Variants in EXOC3 observed in about 807,000 individuals in gnomAD.
EXOC3 encodes exocyst complex component 3.
In EXOC3, 21 loss-of-function variants were observed where a neutral mutation model predicts 73.7. The ratio of observed to expected loss-of-function variants is 0.29; its 90% confidence interval spans 0.20 to 0.41. The LOEUF (loss-of-function observed/expected upper bound fraction) is 0.41. EXOC3 is among the 10% of genes least tolerant of loss of function. The pLI, the probability that EXOC3 is intolerant of heterozygous loss-of-function variation, is 1.00. For missense variants in EXOC3, 842 were observed against 985.1 expected, an observed-to-expected ratio of 0.85 and a Z score of 1.95; for synonymous variants, 410 against 389.1, an observed-to-expected ratio of 1.05 and a Z score of -0.63.
At chr5:460,469 C>T (rs74806885) in intron 7 of EXOC3, among the ~76,000 whole-genome samples, 138 of 152,318 alleles carry the variant, frequency 9.1e-4, no homozygotes, top group African/African-American at 3.1e-3. Context: ...ACTACAGCCA[C>T]GCCGCCCACT....
chr5:450,638 C>T lies in EXOC3; in HGVS notation c.365-2732C>T, dbSNP rs142547556. Among the ~76,000 whole-genome samples the T allele has an allele frequency of 4.5e-3, 691 of 152,236 alleles. 3 individuals carry two copies. Among genetic ancestry groups the T allele is most frequent in the Admixed American group, 6.9e-3 (105 of 15,292 alleles). On this transcript the variant is annotated intron_variant, in intron 3 of 12. Coordinates refer to ENST00000512944, the MANE Select transcript of EXOC3 (RefSeq NM_007277.5). ...ATTGAGAGAGAGATATTGAAGCCTC[C>T]GACTATTACAGAACTGAATGTTTTT...
intron 2 of EXOC3, among the ~76,000 whole-genome samples, 185 bp downstream of exon 2, chr5:446,534 A>G (rs1433888163): frequency 6.6e-6 from 1 of 152,230 alleles, no homozygotes; most frequent in Non-Finnish European, 1.5e-5. Flanking sequence ...GACAGTGGGA[A>G]TGGTGAAAAC....
intron 9 of EXOC3, 91 bp from the exon 10 acceptor site, chr5:464,199 G>A (rs543855906): frequency 3.9e-6 from 5 of 1,291,938 alleles, no homozygotes; most frequent in Admixed American, 3.9e-5. Context: ...CTCGTGGGGC[G>A]TTGAGGTGAG....
At chr5:462,444 A>G (rs1738017404) in intron 9 of EXOC3, 137 bp downstream of exon 9, 1 of 926,854 alleles carries the variant, frequency 1.1e-6, no homozygotes, top group African/African-American at 1.7e-5. Context: ...CATTCCGGTC[A>G]GATCGCTTAA....
chr5:462,551 C>A (rs2126586473), intron 9 of EXOC3: 1 of 515,756 alleles, frequency 1.9e-6, no homozygotes, highest in Non-Finnish European at 3.5e-6. Flanking sequence ...AGACATCAGA[C>A]AATTTAGTGG....
At chr5:464,985 C>T (rs1165099075) in intron 10 of EXOC3, 126 bp from the exon 11 acceptor site, 51 of 975,866 alleles carry the variant, frequency 5.2e-5, no homozygotes, top group Non-Finnish European at 7.0e-5. Context: ...AGAGCCGTGG[C>T]GGAGCGAGGA....
At position 457,980 on chromosome 5, in the gene EXOC3, C is replaced by T; in HGVS notation, c.1245C>T (p.Asp415=). Residue 415 remains aspartate (D), a synonymous_variant, in exon 6 of 13, where the codon GAC becomes GAT. Coordinates refer to ENST00000512944, the MANE Select transcript of EXOC3 (RefSeq NM_007277.5). ...DWVKETEPEA[D]QDGYYQTTLP... ...TCAAAGAGACAGAGCCAGAAGCCGA[C>T]CAGGACGGGTACTACCAGACCACAC... is the stretch of plus-strand genomic sequence containing the variant. 3.7e-6 allele frequency: 6 copies of T among 1,612,698 alleles called. No individual in the cohort carries two copies. Among genetic ancestry groups the T allele is most frequent in the Non-Finnish European group, 5.1e-6 (6 of 1,179,302 alleles).
chr5:462,683 T>G (rs1738025756), intron 9 of EXOC3, among the ~76,000 whole-genome samples: 1 of 152,202 alleles, frequency 6.6e-6, no homozygotes, highest in South Asian at 2.1e-4. Context: ...GCAAAAATCA[T>G]TAATAAAATG....
At position 453,923 on chromosome 5, in the gene EXOC3, G is replaced by A. The variant is rs751292645; in HGVS notation, c.918G>A (p.Glu306=). The change falls in exon 4 of 13, where the codon GAG becomes GAA. Residue 306 remains glutamate, a synonymous_variant. Transcript: ENST00000512944. ...TTCAGTGCTTTCCTCCCCACTATGA[G>A]ATCTTTAAGAACCTCCTGAACATGT... ...LMVQCFPPHY[E]IFKNLLNMYH... is the part of the protein sequence containing the mutation. The A allele has an allele frequency of 3.3e-5, 53 of 1,613,892 alleles. No homozygotes were observed. Among genetic ancestry groups the A allele is most frequent in the Non-Finnish European group, 4.4e-5 (52 of 1,179,896 alleles).
intron 10 of EXOC3, chr5:464,695 G>C: frequency 2.3e-6 from 1 of 429,550 alleles, no homozygotes; most frequent in Non-Finnish European, 4.3e-6. Flanking sequence ...CTCACTCCCT[G>C]AGGCCCCAGG....
At chr5:445,343 C>CTT in intron 1 of EXOC3, among the ~76,000 whole-genome samples, 1 of 52,046 alleles carries the variant, frequency 1.9e-5, no homozygotes, top group East Asian at 2.8e-4. Context: ...ATGACTTTTT[C>CTT]TTTTTTTTTC....
chr5:460,134 C>T (rs778159061), intron 7 of EXOC3, among the ~76,000 whole-genome samples: 4 of 152,200 alleles, frequency 2.6e-5, no homozygotes, highest in Non-Finnish European at 4.4e-5. Context: ...ACGGTGACTC[C>T]GTGGGGTCAT....
chr5:457,183 G>T, intron 5 of EXOC3, 177 bp downstream of exon 5: 1 of 601,948 alleles, frequency 1.7e-6, no homozygotes, highest in Non-Finnish European at 3.0e-6. Context: ...TAGAAGAGGA[G>T]AATGGCCCCT....
intron 10 of EXOC3, 47 bp downstream of exon 10, chr5:464,459 C>T (rs746387090): frequency 8.1e-6 from 13 of 1,596,764 alleles, no homozygotes; most frequent in East Asian, 2.3e-5. Flanking sequence ...CGCTAGGGCT[C>T]ACCTCTCACC....
chr5:446,569 C>G (rs1163142490), intron 2 of EXOC3, among the ~76,000 whole-genome samples: 4 of 152,204 alleles, frequency 2.6e-5, no homozygotes, highest in African/African-American at 9.6e-5. Flanking sequence ...CTTTTAAACA[C>G]CCTGAGGCCG....
intron 12 of EXOC3, chr5:466,522 T>G: frequency 1.8e-6 from 1 of 554,648 alleles, no homozygotes; most frequent in Non-Finnish European, 3.2e-6. Flanking sequence ...TGTTGAAAAA[T>G]CTTTCTGCAA....
chr5:444,196 G>A (rs915670068), intron 1 of EXOC3, among the ~76,000 whole-genome samples: 1 of 152,236 alleles, frequency 6.6e-6, no homozygotes, highest in Admixed American at 6.5e-5. Flanking sequence ...GCCCTGGTAG[G>A]GGCTGGACCT....
intron 2 of EXOC3, among the ~76,000 whole-genome samples, chr5:446,826 C>T (rs1334924835): frequency 6.8e-6 from 1 of 146,232 alleles, no homozygotes; most frequent in Non-Finnish European, 1.6e-5. Flanking sequence ...CATTGCATTC[C>T]AGCCTGGGCA....
intron 6 of EXOC3, among the ~76,000 whole-genome samples, chr5:458,963 C>T (rs1737902845): frequency 1.3e-5 from 2 of 152,242 alleles, no homozygotes; most frequent in Non-Finnish European, 2.9e-5. Flanking sequence ...GCCTGGCACA[C>T]CCCAGGTCCA....
Sources: allele counts gnomAD v4.1 joint callset (sites outside exome capture counted in the v4.1 genomes callset), GRCh38; gene constraint gnomAD v4.1.1; transcripts MANE v1.5; gene names NCBI Gene and HGNC (gene_info 2026-07-23, HGNC 2026-07-21).